The following PPARGC1A variants were observed in gnomAD, a reference collection of about 807,000 sequenced individuals.
PPARGC1A encodes the protein PPARG coactivator 1 alpha, also known as peroxisome proliferator-activated receptor gamma coactivator 1-alpha.
Under a neutral mutation model 88.7 loss-of-function variants are expected in PPARGC1A, and 25 were observed. That is an observed-to-expected ratio of 0.28 (90% CI 0.21 to 0.39). The LOEUF (loss-of-function observed/expected upper bound fraction) is 0.39, where lower values mean the gene tolerates loss of function less well. Among genes scored for constraint, PPARGC1A ranks in the 10% least tolerant of loss-of-function variants. PPARGC1A has a pLI of 1.00. For synonymous variants in PPARGC1A, 363 were observed against 355.6 expected, an observed-to-expected ratio of 1.02 and a Z score of -0.24; for missense variants, 880 against 968.7, an observed-to-expected ratio of 0.91 and a Z score of 1.22.
At chr4:24,324,463 G>T in the PPARGC1A span, among the ~76,000 whole-genome samples, 1 of 151,762 alleles carries the variant, frequency 6.6e-6, no homozygotes, top group East Asian at 1.9e-4. Flanking sequence ...CTTTTCTCTG[G>T]GCTTGCCCCT....
upstream of PPARGC1A, among the ~76,000 whole-genome samples, chr4:23,892,231 C>T (rs368296658): frequency 2.1e-4 from 32 of 152,206 alleles, no homozygotes; most frequent in Non-Finnish European, 1.6e-4. Context: ...TCTAAAAAAT[C>T]AAATCAGCAC....
the PPARGC1A span, among the ~76,000 whole-genome samples, chr4:24,059,630 T>A: frequency 6.6e-6 from 1 of 152,194 alleles, no homozygotes; most frequent in African/African-American, 2.4e-5. Flanking sequence ...CAGCTGTGTC[T>A]ATCACACATT....
In PPARGC1A at chr4:23,867,501, T is replaced by C. The variant is rs114486324; in HGVS notation, c.234+17251A>G. On this transcript the variant is annotated intron_variant, in intron 2 of 12. Coordinates refer to ENST00000264867, the MANE Select transcript of PPARGC1A (RefSeq NM_013261.5). ...GACTAAAATCCTGGACTGGGTAGAC[T>C]GTCCCGTCTAAAAAAGATAACTCAC... Among the ~76,000 whole-genome samples, 753 of 152,330 alleles carry C rather than the reference T, an allele frequency of 4.9e-3. 8 individuals carry two copies. The highest frequency in any genetic ancestry group is 0.017 in the African/African-American group (711 of 41,570).
the PPARGC1A span, among the ~76,000 whole-genome samples, chr4:23,913,267 TAGAGAGAGAGAG>T: frequency 0.011 from 842 of 77,444 alleles, 7 homozygotes; most frequent in Non-Finnish European, 0.015. Context: ...TATATATATA[TAGAGAGAGAGAG>T]AGAGAGAGAG....
At chr4:24,061,182 G>C in the PPARGC1A span, among the ~76,000 whole-genome samples, 2 of 152,174 alleles carry the variant, frequency 1.3e-5, no homozygotes, top group Admixed American at 6.5e-5. Context: ...TGCTAGGGTA[G>C]AGCTCATAAA....
At chr4:24,281,867 T>C in the PPARGC1A span, among the ~76,000 whole-genome samples, 1 of 151,954 alleles carries the variant, frequency 6.6e-6, no homozygotes, top group Non-Finnish European at 1.5e-5. Flanking sequence ...GGACTTTACA[T>C]AGAGAAACTT....
the PPARGC1A span, among the ~76,000 whole-genome samples, chr4:24,417,696 A>G: frequency 2.0e-5 from 3 of 152,238 alleles, no homozygotes; most frequent in African/African-American, 7.2e-5. Context: ...TAAAGGTTAC[A>G]ATGTAGAAAT....
At chr4:23,950,300 C>G in the PPARGC1A span, among the ~76,000 whole-genome samples, 3 of 151,984 alleles carry the variant, frequency 2.0e-5, no homozygotes, top group South Asian at 2.1e-4. Context: ...CTGTACCCAC[C>G]TCCTCTATAA....
At chr4:24,113,434 C>A in the PPARGC1A span, among the ~76,000 whole-genome samples, 1 of 152,166 alleles carries the variant, frequency 6.6e-6, no homozygotes, top group Non-Finnish European at 1.5e-5. Context: ...TGCTTTGTGG[C>A]TAACAAGGGA....
chr4:23,941,551 A>G, the PPARGC1A span, among the ~76,000 whole-genome samples: 3 of 152,182 alleles, frequency 2.0e-5, no homozygotes, highest in Non-Finnish European at 2.9e-5. Flanking sequence ...TCATCCCTGA[A>G]GGGACTTACA....
the PPARGC1A span, among the ~76,000 whole-genome samples, chr4:24,193,828 C>T: frequency 6.6e-6 from 1 of 152,062 alleles, no homozygotes; most frequent in Non-Finnish European, 1.5e-5. Flanking sequence ...CAGAAACGTG[C>T]TCAAGAGTAC....
chr4:23,993,908 T>C, the PPARGC1A span, among the ~76,000 whole-genome samples: 1 of 152,172 alleles, frequency 6.6e-6, no homozygotes. Context: ...TTCTCAGTGG[T>C]ATCCTAGGGG....
intron 10 of PPARGC1A, among the ~76,000 whole-genome samples, chr4:23,808,392 T>C (rs1260242675): frequency 6.6e-6 from 1 of 152,154 alleles, no homozygotes; most frequent in Non-Finnish European, 1.5e-5. Flanking sequence ...CAGCAGTCAT[T>C]GCCGCCTGAG....
chr4:24,091,720 T>C, the PPARGC1A span: 2 of 831,554 alleles, frequency 2.4e-6, no homozygotes, highest in Non-Finnish European at 2.9e-6. Flanking sequence ...CACATGGGGC[T>C]ACCCAGACAG....
At chr4:23,822,979 T>C (rs996521343) in intron 7 of PPARGC1A, among the ~76,000 whole-genome samples, 2 of 152,052 alleles carry the variant, frequency 1.3e-5, no homozygotes, top group Non-Finnish European at 2.9e-5. Context: ...GTAAATAATA[T>C]TTGCTTTCAT....
At chr4:24,225,277 A>C in the PPARGC1A span, among the ~76,000 whole-genome samples, 1 of 152,180 alleles carries the variant, frequency 6.6e-6, no homozygotes, top group Non-Finnish European at 1.5e-5. Context: ...AATACACTAA[A>C]GAGTGACTAG....
At chr4:24,194,280 GACTCA>G in the PPARGC1A span, among the ~76,000 whole-genome samples, 1 of 152,170 alleles carries the variant, frequency 6.6e-6, no homozygotes, top group Non-Finnish European at 1.5e-5. Flanking sequence ...AGCCTGTACT[GACTCA>G]ACTCATTTTT....
chr4:24,395,939 T>C, the PPARGC1A span, among the ~76,000 whole-genome samples: 3 of 152,336 alleles, frequency 2.0e-5, no homozygotes, highest in Middle Eastern at 3.4e-3. Flanking sequence ...TCTCTCCACC[T>C]GCATTCTACC....
the PPARGC1A span, among the ~76,000 whole-genome samples, chr4:24,149,862 TA>T: frequency 6.6e-5 from 10 of 152,210 alleles, no homozygotes; most frequent in African/African-American, 2.4e-4. Context: ...CATCTAAATC[TA>T]AATCTAATTT....
Sources: allele counts gnomAD v4.1 joint callset (sites outside exome capture counted in the v4.1 genomes callset), GRCh38; gene constraint gnomAD v4.1.1; transcripts MANE v1.5; gene names NCBI Gene and HGNC (gene_info 2026-07-23, HGNC 2026-07-21).